ANKIB1: variants seen among roughly 807,000 people sequenced by gnomAD.
ANKIB1 encodes the protein ankyrin repeat and IBR domain containing 1.
ANKIB1 carries 43 observed loss-of-function variants against 122.1 expected under a neutral mutation model. The observed-to-expected ratio is 0.35, with a 90% CI of 0.28 to 0.45. The LOEUF (loss-of-function observed/expected upper bound fraction) is 0.45. Among genes scored for constraint, ANKIB1 ranks in the 20% least tolerant of loss-of-function variants. ANKIB1 has a pLI of 1.00. For synonymous variants in ANKIB1, 390 were observed against 442.0 expected (o/e 0.88, Z 1.48); for missense variants, 992 against 1,329.5 (o/e 0.75, Z 3.95).
chr7:92,373,716 T>G (rs1185364431), intron 11 of ANKIB1, among the ~76,000 whole-genome samples: 3 of 152,210 alleles, frequency 2.0e-5, no homozygotes, highest in African/African-American at 7.2e-5. Context: ...CTGACATAAT[T>G]GGTAAATCGT....
intron 2 of ANKIB1, among the ~76,000 whole-genome samples, chr7:92,295,702 A>G (rs936735256): frequency 2.6e-5 from 4 of 152,172 alleles, no homozygotes; most frequent in Non-Finnish European, 5.9e-5. Flanking sequence ...AGTTACTTGA[A>G]AAGATGTTTC....
intron 10 of ANKIB1, among the ~76,000 whole-genome samples, chr7:92,370,287 T>C (rs1804207727): frequency 6.6e-6 from 1 of 151,602 alleles, no homozygotes; most frequent in African/African-American, 2.4e-5. Context: ...GGCGGGCGGA[T>C]CACGAGGTCA....
At position 92,374,763 on chromosome 7, in the gene ANKIB1, T is replaced by G. The variant is rs572457920; in HGVS notation, c.1617+3156T>G. On this transcript the variant is annotated intron_variant, in intron 11 of 19. Transcript: ENST00000265742. ...AAGAAAACCAGGAGAAAGGTTCTGGTTTTTTTAATGCAGAAATCAGTGACT... is the reference window on the plus strand; with the variant it reads ...AAGAAAACCAGGAGAAAGGTTCTGGGTTTTTTAATGCAGAAATCAGTGACT... Among the ~76,000 whole-genome samples, 20 of 152,112 alleles carry G rather than the reference T, an allele frequency of 1.3e-4. No homozygotes were observed. In the South Asian group the frequency reaches 4.2e-3, roughly 32 times the overall value.
At chr7:92,362,317 C>T in intron 10 of ANKIB1, 44 bp downstream of exon 10, 1 of 1,506,924 alleles carries the variant, frequency 6.6e-7, no homozygotes, top group Non-Finnish European at 9.0e-7. Flanking sequence ...TTCCTGATAG[C>T]ATTCAAAAGA....
At position 92,351,020 on chromosome 7, in the gene ANKIB1, C is replaced by T; in HGVS notation, c.1156C>T (p.Leu386Phe). The T allele has an allele frequency of 6.2e-7, 1 of 1,604,058 alleles. No homozygotes were observed. Among genetic ancestry groups the T allele is most frequent in the Non-Finnish European group, 8.5e-7 (1 of 1,174,852 alleles). Residue 386 changes from leucine to phenylalanine, a missense_variant, in exon 8 of 20, where the codon CTT becomes TTT. Around this residue, in one of 4 missense-constraint regions of ANKIB1, gnomAD observed 521 missense variants for 777.7 expected, o/e 0.67. Coordinates refer to ENST00000265742, the MANE Select transcript of ANKIB1 (RefSeq NM_019004.2). Reference sequence around the variant, plus strand: ...TTGCCCTGCATATGATTGCTTCCAACTTGTACCTGTGGATATCATAGAAAG... The same window carrying T: ...TTGCCCTGCATATGATTGCTTCCAATTTGTACCTGTGGATATCATAGAAAG... ...IFCPAYDCFQ[L>F]VPVDIIESVV...
At chr7:92,276,125 C>T (rs1801899565) in intron 1 of ANKIB1, among the ~76,000 whole-genome samples, 1 of 152,082 alleles carries the variant, frequency 6.6e-6, no homozygotes, top group South Asian at 2.1e-4. Context: ...CATTTAGATA[C>T]AGAAAATACA....
intron 8 of ANKIB1, among the ~76,000 whole-genome samples, chr7:92,351,399 G>GATA (rs1281133215): frequency 2.0e-5 from 3 of 152,092 alleles, no homozygotes; most frequent in Admixed American, 6.6e-5. Context: ...GATTGATCAA[G>GATA]ATAATGTTCA....
intron 1 of ANKIB1, among the ~76,000 whole-genome samples, chr7:92,250,791 C>A (rs1447945998): frequency 6.6e-6 from 1 of 152,150 alleles, no homozygotes; most frequent in Non-Finnish European, 1.5e-5. Context: ...CTGTCTAATA[C>A]TTTTTCAGAC....
intron 2 of ANKIB1, among the ~76,000 whole-genome samples, chr7:92,306,687 C>T (rs1033424657): frequency 1.8e-4 from 28 of 152,062 alleles, no homozygotes; most frequent in African/African-American, 6.5e-4. Flanking sequence ...GACTTACCAG[C>T]GTCCACAACT....
chr7:92,378,849 A>C (rs1180082551), intron 11 of ANKIB1, among the ~76,000 whole-genome samples: 1 of 152,226 alleles, frequency 6.6e-6, no homozygotes, highest in African/African-American at 2.4e-5. Context: ...AGCAGAGTAC[A>C]CAATTACTAT....
rs559753450 is a variant in ANKIB1 at position 92,301,991 on chromosome 7, C to T, written c.189-5368C>T. On this transcript the variant is annotated intron_variant, in intron 2 of 19. Coordinates refer to ENST00000265742, the MANE Select transcript of ANKIB1 (RefSeq NM_019004.2). ...TCATTTTGTCACCCAGGCTGGAGTG[C>T]AGTGGTGTGATCTTGGCTCACTGCA... Among the ~76,000 whole-genome samples the T allele has an allele frequency of 5.3e-5, 8 of 151,818 alleles. No individual in the cohort carries two copies. In the East Asian group the frequency reaches 1.4e-3, roughly 26 times the overall value.
intron 3 of ANKIB1, among the ~76,000 whole-genome samples, chr7:92,310,667 C>T (rs1463456189): frequency 3.3e-5 from 5 of 152,110 alleles, no homozygotes; most frequent in Non-Finnish European, 7.4e-5. Context: ...TAGAAAATGG[C>T]ACAGTATTTG....
intron 1 of ANKIB1, among the ~76,000 whole-genome samples, chr7:92,267,532 T>TA (rs1390339086): frequency 6.6e-6 from 1 of 152,196 alleles, no homozygotes; most frequent in Non-Finnish European, 1.5e-5. Context: ...TATATACTCC[T>TA]AAAAAATCTC....
At chr7:92,257,916 TTC>T (rs1801482809) in intron 1 of ANKIB1, among the ~76,000 whole-genome samples, 1 of 152,240 alleles carries the variant, frequency 6.6e-6, no homozygotes, top group Non-Finnish European at 1.5e-5. Flanking sequence ...TCTTTGATCT[TTC>T]TCTATTTCTG....
intron 11 of ANKIB1, among the ~76,000 whole-genome samples, chr7:92,375,872 A>G (rs1804368104): frequency 6.6e-6 from 1 of 152,256 alleles, no homozygotes; most frequent in Admixed American, 6.5e-5. Flanking sequence ...GAAAGTCAAA[A>G]TGACCGCTTA....
intron 4 of ANKIB1, among the ~76,000 whole-genome samples, chr7:92,325,044 A>G (rs1334253942): frequency 6.6e-6 from 1 of 152,228 alleles, no homozygotes; most frequent in Non-Finnish European, 1.5e-5. Context: ...GATGGCTAGG[A>G]AGAGTGTGTG....
At chr7:92,317,370 A>T (rs1802815781) in intron 3 of ANKIB1, among the ~76,000 whole-genome samples, 1 of 152,120 alleles carries the variant, frequency 6.6e-6, no homozygotes, top group Non-Finnish European at 1.5e-5. Flanking sequence ...CCCAGGAGAT[A>T]CTACTGGTCC....
chr7:92,355,874 T>TAATAAC (rs1803797147), intron 9 of ANKIB1, among the ~76,000 whole-genome samples: 1 of 148,384 alleles, frequency 6.7e-6, no homozygotes, highest in Non-Finnish European at 1.5e-5. Flanking sequence ...ATAATAATAA[T>TAATAAC]AATAATAATA....
At chr7:92,377,552 CTT>C (rs1804412322) in intron 11 of ANKIB1, among the ~76,000 whole-genome samples, 1 of 152,152 alleles carries the variant, frequency 6.6e-6, no homozygotes. Flanking sequence ...TTGCCACAAA[CTT>C]CAGTTTGTTT....
Sources: allele counts gnomAD v4.1 joint callset (sites outside exome capture counted in the v4.1 genomes callset), GRCh38; gene constraint gnomAD v4.1.1; regional missense constraint gnomAD v4.1.1; transcripts MANE v1.5; gene names NCBI Gene and HGNC (gene_info 2026-07-23, HGNC 2026-07-21).